Variants in TMIGD3 observed in about 807,000 individuals in gnomAD.
The protein encoded by TMIGD3 is AD026 protein (AD026).
In TMIGD3, 21 loss-of-function variants were observed where a neutral mutation model predicts 28.1. That is an observed-to-expected ratio of 0.75 (90% CI 0.53 to 1.08). The LOEUF is 1.08. Ranked by LOEUF, TMIGD3 falls within the 50% of genes least tolerant of loss-of-function variation. TMIGD3 has a pLI of 0.00. For missense variants in TMIGD3, 416 were observed against 435.6 expected (o/e 0.96, Z 0.40); for synonymous variants, 151 against 162.1 (o/e 0.93, Z 0.52).
chr1:111,500,170 A>G (rs1035251784), intron 1 of TMIGD3: 7 of 1,614,234 alleles, frequency 4.3e-6, no homozygotes, highest in Non-Finnish European at 5.9e-6. Flanking sequence ...GATGATAGAT[A>G]AAGGCAGCCA....
chr1:111,489,625 A>C lies in TMIGD3; in HGVS notation c.458-601T>G, dbSNP rs181932210. 1.3e-4 allele frequency: 148 copies of C among 1,170,714 alleles called. 2 individuals carry two copies. The African/African-American group carries it at 2.2e-3, about 18-fold the overall frequency. The allele number at this position is 1,170,714 out of a possible 1,614,324, so 72.5% of individuals were successfully genotyped here. A position where few individuals can be genotyped will look rare whatever the true frequency, so the allele number is the denominator to read the frequency against. On this transcript the variant is annotated intron_variant, in intron 2 of 5. Transcript: ENST00000369716. ...GGTGGGTGAAATATGGAGGCCTCCT[A>C]CCATTGCTTGACGGAGGGCCTTGAA...
chr1:111,505,435 T>C (rs1039690694), upstream of TMIGD3, among the ~76,000 whole-genome samples: 6 of 152,242 alleles, frequency 3.9e-5, no homozygotes, highest in Non-Finnish European at 1.5e-5. Flanking sequence ...TCTCTGCACA[T>C]ACCATGGGGG....
At chr1:111,495,879 T>C (rs1378610396) in intron 1 of TMIGD3, among the ~76,000 whole-genome samples, 2 of 152,232 alleles carry the variant, frequency 1.3e-5, no homozygotes, top group Non-Finnish European at 2.9e-5. Context: ...CTGGAGGCCA[T>C]TATCCTTAGT....
At chr1:111,550,644 C>T (rs895468478) in intron 1 of TMIGD3, among the ~76,000 whole-genome samples, 2 of 152,102 alleles carry the variant, frequency 1.3e-5, no homozygotes, top group East Asian at 3.8e-4. Context: ...AGGAACCTTC[C>T]TGATTTACAT....
chr1:111,484,596 G>A (rs557514788), intron 5 of TMIGD3, among the ~76,000 whole-genome samples: 4 of 152,194 alleles, frequency 2.6e-5, no homozygotes, highest in Non-Finnish European at 5.9e-5. Flanking sequence ...CCACTACTTT[G>A]CTTTTTTTAG....
chr1:111,524,919 C>T (rs1656214122), intron 1 of TMIGD3, among the ~76,000 whole-genome samples: 1 of 152,158 alleles, frequency 6.6e-6, no homozygotes, highest in South Asian at 2.1e-4. Context: ...CCCTCTTGGC[C>T]TCTAATTTAC....
At chr1:111,549,633 G>A in intron 1 of TMIGD3, among the ~76,000 whole-genome samples, 1 of 147,096 alleles carries the variant, frequency 6.8e-6, no homozygotes, top group Non-Finnish European at 1.5e-5. Context: ...CTGGGCAACA[G>A]AGTGAGACTC....
In TMIGD3 at chr1:111,490,712, A is replaced by C. The variant is rs769972260; in HGVS notation, c.401T>G (p.Val134Gly). 4.3e-6 allele frequency: 7 copies of C among 1,613,986 alleles called. No individual in the cohort carries two copies. Among genetic ancestry groups the C allele is most frequent in the Non-Finnish European group, 5.9e-6 (7 of 1,180,026 alleles). The change falls in exon 2 of 6, where the codon GTT becomes GGT. Residue 134 changes from valine (V) to glycine (G), a missense_variant. Val to Gly is a moderately radical substitution (Grantham distance 109). Coordinates refer to ENST00000369716, the MANE Select transcript of TMIGD3 (RefSeq NM_020683.7). ...GAGCCACATGACTGGAAGGAAGCAA[A>C]CTTTCAACTGGAATGATAGAATGCA... ...PGCILSFQLK[V>G]CFLPVMWLFI...
intron 1 of TMIGD3, chr1:111,542,085 CTTTT>C (rs35807618): frequency 1.4e-3 from 242 of 167,380 alleles, no homozygotes; most frequent in South Asian, 3.4e-3. Context: ...TGCAAAGAAG[CTTTT>C]TTTTTTTTTT....
intron 1 of TMIGD3, among the ~76,000 whole-genome samples, chr1:111,511,621 A>G (rs1418197741): frequency 2.0e-5 from 3 of 151,938 alleles, no homozygotes; most frequent in African/African-American, 7.3e-5. Flanking sequence ...ATTTTTACCT[A>G]TAACAACCAT....
At chr1:111,494,683 G>A (rs1654813231) in intron 1 of TMIGD3, among the ~76,000 whole-genome samples, 1 of 152,126 alleles carries the variant, frequency 6.6e-6, no homozygotes, top group South Asian at 2.1e-4. Context: ...AGCCCAAATA[G>A]CTAAGGCAAT....
intron 1 of TMIGD3, among the ~76,000 whole-genome samples, chr1:111,551,885 A>G (rs889512779): frequency 6.6e-6 from 1 of 152,142 alleles, no homozygotes; most frequent in Non-Finnish European, 1.5e-5. Context: ...TGCTCAGGTA[A>G]ACTAGAGGGG....
At chr1:111,515,115 G>A (rs1655814702) in intron 1 of TMIGD3, among the ~76,000 whole-genome samples, 1 of 152,188 alleles carries the variant, frequency 6.6e-6, no homozygotes, top group Non-Finnish European at 1.5e-5. Flanking sequence ...GGGAAACAGA[G>A]GCTGAGAGTT....
At chr1:111,507,136 G>C (rs1056037723), upstream of TMIGD3, among the ~76,000 whole-genome samples, 10 of 151,066 alleles carry the variant, frequency 6.6e-5, no homozygotes, top group Non-Finnish European at 1.3e-4. Flanking sequence ...AATTTTACTA[G>C]AAGAGGCTGG....
chr1:111,500,234 C>A (rs910703871), intron 1 of TMIGD3: 1 of 1,614,032 alleles, frequency 6.2e-7, no homozygotes, highest in African/African-American at 1.3e-5. Context: ...GTCTTGAACT[C>A]CCGTCCATAA....
At chr1:111,513,061 A>G (rs1442335035) in intron 1 of TMIGD3, among the ~76,000 whole-genome samples, 1 of 152,222 alleles carries the variant, frequency 6.6e-6, no homozygotes, top group Non-Finnish European at 1.5e-5. Flanking sequence ...CAGGTCTGAC[A>G]GTTCACAGCT....
At position 111,557,224 on chromosome 1, in the gene TMIGD3, T is replaced by C. The variant is rs1657530701; in HGVS notation, c.107+6622A>G. ...TTCTTCAAAAGACTGAAATGAAAAA[T>C]AAGTTTACCTAAAAATGTATATATT... On this transcript the variant is annotated intron_variant, in intron 1 of 5. Coordinates refer to the TMIGD3 transcript ENST00000369717. Among the ~76,000 whole-genome samples the C allele has an allele frequency of 2.0e-5, 3 of 151,944 alleles. No individual in the cohort carries two copies. The South Asian group carries it at 6.2e-4, about 31-fold the overall frequency.
intron 1 of TMIGD3, among the ~76,000 whole-genome samples, chr1:111,541,479 A>T (rs1656820597): frequency 6.6e-6 from 1 of 152,194 alleles, no homozygotes; most frequent in Non-Finnish European, 1.5e-5. Context: ...AAAAAGAAGC[A>T]ATAAATTTGT....
rs771934087 is a variant in TMIGD3, at chr1:111,503,187, C to T, written c.168G>A (p.Leu56=). Residue 56 remains leucine (L), a synonymous_variant, in exon 1 of 6, where the codon CTG becomes CTA. Coordinates refer to ENST00000369716, the MANE Select transcript of TMIGD3 (RefSeq NM_020683.7). ...TTFYFIVSLA[L]ADIAVGVLVM... is the part of the protein sequence containing the mutation. ...CCAGCACCCCAACAGCAATGTCAGC[C>T]AGGGCTAGAGAGACAATGAAATAGA... 2.5e-6 allele frequency: 4 copies of T among 1,614,226 alleles called. No homozygotes were observed. Among genetic ancestry groups the T allele is most frequent in the Non-Finnish European group, 3.4e-6 (4 of 1,180,048 alleles).
Sources: allele counts gnomAD v4.1 joint callset (sites outside exome capture counted in the v4.1 genomes callset), GRCh38; gene constraint gnomAD v4.1.1; transcripts MANE v1.5; gene names NCBI Gene and HGNC (gene_info 2026-07-23, HGNC 2026-07-21).